GPATCH2: variants seen among roughly 807,000 people sequenced by gnomAD.
GPATCH2 encodes the protein G-patch domain containing 2.
Under a neutral mutation model 58.0 loss-of-function variants are expected in GPATCH2, and 51 were observed. The ratio of observed to expected loss-of-function variants is 0.88; its 90% CI spans 0.70 to 1.11. GPATCH2 has a LOEUF of 1.11. GPATCH2 is among the 50% of genes most tolerant of loss of function. The probability of loss-of-function intolerance (pLI) is 0.00; values close to 1 mark genes in which losing one functional copy is unlikely to be tolerated. For missense variants in GPATCH2, 625 were observed against 652.2 expected (o/e 0.96, Z 0.45); for synonymous variants, 222 against 218.5 (o/e 1.02, Z -0.14).
intron 9 of GPATCH2, among the ~76,000 whole-genome samples, chr1:217,435,272 C>A (rs923147528): frequency 1.3e-5 from 2 of 152,336 alleles, no homozygotes. Context: ...TGCTTCCGCT[C>A]CCAGCCTCCT....
At chr1:217,599,469 G>C (rs1178667298) in intron 5 of GPATCH2, among the ~76,000 whole-genome samples, 2 of 152,288 alleles carry the variant, frequency 1.3e-5, no homozygotes, top group East Asian at 1.9e-4. Flanking sequence ...TCTAGATGTG[G>C]CAAGAGTGGA....
At chr1:217,451,707 A>G (rs1192355397) in intron 8 of GPATCH2, among the ~76,000 whole-genome samples, 1 of 152,230 alleles carries the variant, frequency 6.6e-6, no homozygotes, top group Non-Finnish European at 1.5e-5. Flanking sequence ...AGCATATACC[A>G]GACAGGCTCA....
intron 2 of GPATCH2, among the ~76,000 whole-genome samples, chr1:217,616,780 T>A (rs1039288060): frequency 1.6e-4 from 25 of 152,168 alleles, no homozygotes; most frequent in African/African-American, 5.8e-4. Context: ...GATGAGAATA[T>A]ATTCCACATA....
chr1:217,566,908 A>G (rs1267144707), intron 5 of GPATCH2, among the ~76,000 whole-genome samples: 6 of 152,228 alleles, frequency 3.9e-5, no homozygotes, highest in Admixed American at 6.5e-5. Context: ...TATTGTTTCA[A>G]TGAGAAACTT....
intron 3 of GPATCH2, among the ~76,000 whole-genome samples, chr1:217,611,734 A>C (rs887734283): frequency 3.3e-5 from 5 of 152,332 alleles, no homozygotes; most frequent in Non-Finnish European, 4.4e-5. Context: ...TAAGCTCATT[A>C]AGAAATAGTT....
At chr1:217,498,500 G>A in intron 6 of GPATCH2, 105 bp from the exon 7 acceptor site, 1 of 811,318 alleles carries the variant, frequency 1.2e-6, no homozygotes, top group Non-Finnish European at 2.2e-6. Context: ...CAGCAACACA[G>A]CCTTAAATAT....
chr1:217,615,255 T>A (rs1668827769), intron 2 of GPATCH2, among the ~76,000 whole-genome samples: 1 of 152,062 alleles, frequency 6.6e-6, no homozygotes, highest in Admixed American at 6.6e-5. Flanking sequence ...TTGTTTCTGT[T>A]CGATTTCTTA....
At chr1:217,509,619 T>G (rs893885263) in intron 6 of GPATCH2, among the ~76,000 whole-genome samples, 1 of 152,162 alleles carries the variant, frequency 6.6e-6, no homozygotes, top group Admixed American at 6.5e-5. Flanking sequence ...AGTACTTGCT[T>G]CTTCTGCCAA....
intron 6 of GPATCH2, among the ~76,000 whole-genome samples, chr1:217,500,830 C>T (rs1232697387): frequency 3.3e-5 from 5 of 151,678 alleles, no homozygotes; most frequent in Non-Finnish European, 5.9e-5. Flanking sequence ...TTATTTTTTT[C>T]CTCCTAAAAT....
intron 1 of GPATCH2, among the ~76,000 whole-genome samples, chr1:217,626,643 C>G (rs1465940506): frequency 6.6e-6 from 1 of 152,110 alleles, no homozygotes; most frequent in Non-Finnish European, 1.5e-5. Flanking sequence ...TATTTCCCTC[C>G]TCAATGGGAA....
At chr1:217,523,687 G>A (rs1663606910) in intron 5 of GPATCH2, among the ~76,000 whole-genome samples, 2 of 151,554 alleles carry the variant, frequency 1.3e-5, no homozygotes, top group Admixed American at 6.6e-5. Flanking sequence ...TGAGCTGTTG[G>A]GTACACCTCC....
intron 5 of GPATCH2, among the ~76,000 whole-genome samples, chr1:217,555,408 C>T (rs886153318): frequency 3.6e-4 from 55 of 152,240 alleles, no homozygotes; most frequent in Non-Finnish European, 1.9e-4. Context: ...TAGCTTTCTG[C>T]CACATTGGCT....
At position 217,580,488 on chromosome 1, in the gene GPATCH2, T is replaced by C. The variant is rs548861257; in HGVS notation, c.1098+29833A>G. ...CAAGAAGTGCTTATATTTACTAAAG[T>C]ATATATGATTATGGTGAAAATTTTC... is the stretch of plus-strand genomic sequence containing the variant. On this transcript the variant is annotated intron_variant, in intron 5 of 9. Transcript: ENST00000366935. Among the ~76,000 whole-genome samples, 8 of 152,330 alleles carry C rather than the reference T, an allele frequency of 5.3e-5. No individual in the cohort carries two copies. The South Asian group carries it at 1.7e-3, about 32-fold the overall frequency.
intron 5 of GPATCH2, among the ~76,000 whole-genome samples, chr1:217,535,506 C>T (rs530438385): frequency 7.6e-4 from 116 of 152,268 alleles, no homozygotes; most frequent in African/African-American, 2.6e-3. Flanking sequence ...CCCGCCACCA[C>T]GCCTGGCTAA....
chr1:217,607,965 A>G (rs1668441557), intron 5 of GPATCH2, among the ~76,000 whole-genome samples: 1 of 152,184 alleles, frequency 6.6e-6, no homozygotes, highest in Non-Finnish European at 1.5e-5. Flanking sequence ...ATCTCTCTTA[A>G]AAACAATCTG....
In GPATCH2 at chr1:217,431,166, G is replaced by A. The variant is rs755996145; in HGVS notation, c.1566C>T (p.Pro522=). The change falls in exon 10 of 10, where the codon CCC becomes CCT. Residue 522 remains proline, a synonymous_variant. Coordinates refer to ENST00000366935, the MANE Select transcript of GPATCH2 (RefSeq NM_018040.5). The stretch of plus-strand genomic sequence containing the variant: ...TTTCTTAGGCGGATTTTCCTGCATT[G>A]GGGGTAGTAGTTGCGGAAGTACTTT... ...LPKSTSATTT[P]NAGKSA is the part of the protein sequence containing the mutation. The A allele has an allele frequency of 4.5e-6, 7 of 1,545,454 alleles. No individual in the cohort carries two copies. Among genetic ancestry groups the A allele is most frequent in the Admixed American group, 1.7e-5 (1 of 59,958 alleles).
intron 8 of GPATCH2, among the ~76,000 whole-genome samples, chr1:217,454,876 C>T (rs200141590): frequency 2.0e-5 from 3 of 152,148 alleles, no homozygotes; most frequent in East Asian, 3.9e-4. Flanking sequence ...TCAAGCGATC[C>T]GCCCACCTCT....
Position 217,523,398 on chromosome 1 carries a change from G to A in GPATCH2, c.1099-8509C>T, listed in dbSNP as rs1044731477. Reference sequence around the variant, plus strand: ...CTCTTAACGAGCATGCTGCCTTCAAGCGTCTGTTTAACAAGGCACAACTTG... The same window carrying A: ...CTCTTAACGAGCATGCTGCCTTCAAACGTCTGTTTAACAAGGCACAACTTG... On this transcript the variant is annotated intron_variant, in intron 5 of 9. Transcript: ENST00000366935. Among the ~76,000 whole-genome samples, 16 of 151,720 alleles carry A rather than the reference G, an allele frequency of 1.1e-4. 1 individual carries two copies. Among genetic ancestry groups the A allele is most frequent in the African/African-American group, 3.9e-4 (16 of 41,050 alleles).
chr1:217,434,220 C>G (rs1658702138), intron 9 of GPATCH2, among the ~76,000 whole-genome samples: 1 of 152,186 alleles, frequency 6.6e-6, no homozygotes, highest in Non-Finnish European at 1.5e-5. Context: ...TTATTGACCA[C>G]TTGAGAAGGG....
Sources: gnomAD v4.1 joint callset for allele counts (sites outside exome capture counted in the v4.1 genomes callset) on GRCh38, gnomAD v4.1.1 for gene constraint, MANE v1.5 for transcripts, NCBI Gene and HGNC (gene_info 2026-07-23, HGNC 2026-07-21) for gene names.